The following ACYP2 variants were observed in gnomAD, a reference collection of about 807,000 sequenced individuals.
The protein encoded by ACYP2 is acylphosphatase-2.
Under a neutral mutation model 11.2 loss-of-function variants are expected in ACYP2, and 12 were observed. The observed-to-expected ratio is 1.08, with a 90% CI of 0.69 to 1.74. The LOEUF (loss-of-function observed/expected upper bound fraction) is 1.74. ACYP2 is among the 40% of genes most tolerant of loss of function. The pLI is 0.00. For synonymous variants in ACYP2, 43 were observed against 32.2 expected (o/e 1.33, Z -1.13); for missense variants, 134 against 101.9 (o/e 1.31, Z -1.35).
At chr2:54,240,938 G>A (rs1686705063) in intron 6 of ACYP2, among the ~76,000 whole-genome samples, 1 of 152,184 alleles carries the variant, frequency 6.6e-6, no homozygotes, top group South Asian at 2.1e-4. Context: ...GGAGATGAAT[G>A]TCTGTTCTCA....
chr2:54,183,067 T>G (rs1558594296), intron 6 of ACYP2, among the ~76,000 whole-genome samples: 2 of 152,236 alleles, frequency 1.3e-5, no homozygotes, highest in Admixed American at 1.3e-4. Flanking sequence ...TCTTGAGTTT[T>G]AAGTCAAGTT....
intron 6 of ACYP2, among the ~76,000 whole-genome samples, chr2:54,149,896 T>C (rs1682066957): frequency 1.3e-5 from 2 of 152,224 alleles, no homozygotes; most frequent in Admixed American, 1.3e-4. Flanking sequence ...GAAATCATGA[T>C]AGCTTCCTTC....
At chr2:54,031,528 A>T (rs1484091038) in intron 2 of ACYP2, among the ~76,000 whole-genome samples, 1 of 152,064 alleles carries the variant, frequency 6.6e-6, no homozygotes, top group Non-Finnish European at 1.5e-5. Flanking sequence ...TCTATCATTG[A>T]TGGACATTTG....
At chr2:54,021,907 C>T (rs1242653701) in intron 2 of ACYP2, among the ~76,000 whole-genome samples, 3 of 152,080 alleles carry the variant, frequency 2.0e-5, no homozygotes, top group Admixed American at 6.6e-5. Flanking sequence ...TCTGTGAAGA[C>T]GGGCACATTT....
intron 4 of ACYP2, among the ~76,000 whole-genome samples, chr2:54,133,056 A>C (rs1681007939): frequency 1.3e-5 from 2 of 152,134 alleles, no homozygotes; most frequent in Non-Finnish European, 2.9e-5. Context: ...ATGAATTTTT[A>C]ACAAATGCAT....
chr2:54,093,262 G>A (rs1375391923), intron 4 of ACYP2, among the ~76,000 whole-genome samples: 1 of 152,180 alleles, frequency 6.6e-6, no homozygotes, highest in Non-Finnish European at 1.5e-5. Flanking sequence ...ATGTAAAGGT[G>A]TAAGCATATT....
chr2:54,152,392 G>A (rs1161027234), intron 6 of ACYP2, among the ~76,000 whole-genome samples: 1 of 152,068 alleles, frequency 6.6e-6, no homozygotes, highest in East Asian at 1.9e-4. Flanking sequence ...CCAAAGTGCT[G>A]GGATTACTGG....
At chr2:54,152,396 T>C (rs11125524) in intron 6 of ACYP2, among the ~76,000 whole-genome samples, 71,633 of 151,990 alleles carry the variant, frequency 0.47, 17,265 homozygotes, top group East Asian at 0.71. Flanking sequence ...AGTGCTGGGA[T>C]TACTGGCATG....
chr2:54,204,218 C>T (rs1272771235), intron 6 of ACYP2, among the ~76,000 whole-genome samples: 2 of 151,724 alleles, frequency 1.3e-5, no homozygotes, highest in African/African-American at 2.4e-5. Context: ...AGGCTGGTCT[C>T]GAACTCCTGA....
chr2:54,039,542 T>C (rs1675110728), intron 2 of ACYP2, among the ~76,000 whole-genome samples: 1 of 152,100 alleles, frequency 6.6e-6, no homozygotes, highest in Admixed American at 6.5e-5. Context: ...TCCACTCACC[T>C]TGGCCTCCCT....
intron 6 of ACYP2, among the ~76,000 whole-genome samples, chr2:54,226,186 G>A (rs1237781293): frequency 1.3e-5 from 2 of 152,176 alleles, no homozygotes; most frequent in African/African-American, 2.4e-5. Flanking sequence ...TTTACATGAT[G>A]TAGTGGATGT....
At chr2:54,072,046 G>C (rs978549942) in intron 4 of ACYP2, among the ~76,000 whole-genome samples, 1 of 151,944 alleles carries the variant, frequency 6.6e-6, no homozygotes, top group African/African-American at 2.4e-5. Context: ...AATAAATAAA[G>C]TGAAAATGGT....
chr2:54,185,700 A>G (rs1683955233), intron 6 of ACYP2, among the ~76,000 whole-genome samples: 1 of 152,178 alleles, frequency 6.6e-6, no homozygotes. Flanking sequence ...TGCTGAGAAC[A>G]TTGATAGTTA....
chr2:53,973,855 ATGTG>A (rs573137716), intron 2 of ACYP2: 9,084 of 123,848 alleles, frequency 0.073, 635 homozygotes, highest in South Asian at 0.11. Flanking sequence ...GGATATATAT[ATGTG>A]TGTGTGTGTG....
At chr2:54,009,135 A>G (rs929578912) in intron 2 of ACYP2, among the ~76,000 whole-genome samples, 1 of 151,584 alleles carries the variant, frequency 6.6e-6, no homozygotes, top group African/African-American at 2.4e-5. Flanking sequence ...TCTGGGCAAC[A>G]GAGCAAGACT....
chr2:54,220,782 C>G (rs1195278378), intron 6 of ACYP2, among the ~76,000 whole-genome samples: 1 of 152,124 alleles, frequency 6.6e-6, no homozygotes, highest in East Asian at 1.9e-4. Context: ...AAAATTAGTG[C>G]CTTGTGTCTT....
chr2:54,294,227 T>C (rs1689428920), intron 6 of ACYP2, among the ~76,000 whole-genome samples: 1 of 152,188 alleles, frequency 6.6e-6, no homozygotes, highest in African/African-American at 2.4e-5. Context: ...GGATATTAGT[T>C]AAATGGAATT....
intron 2 of ACYP2, among the ~76,000 whole-genome samples, chr2:54,038,213 A>T (rs1300966773): frequency 6.6e-6 from 1 of 152,154 alleles, no homozygotes; most frequent in African/African-American, 2.4e-5. Context: ...TTGGCCTAGG[A>T]TGCCCTTATT....
chr2:54,091,712 A>G (rs1333377085), intron 4 of ACYP2, among the ~76,000 whole-genome samples: 2 of 152,032 alleles, frequency 1.3e-5, no homozygotes, highest in East Asian at 1.9e-4. Flanking sequence ...CGGTTTTGCC[A>G]TGTTGGTCGG....
Sources: allele counts gnomAD v4.1 joint callset (sites outside exome capture counted in the v4.1 genomes callset), GRCh38; gene constraint gnomAD v4.1.1; transcripts MANE v1.5; gene names NCBI Gene and HGNC (gene_info 2026-07-23, HGNC 2026-07-21).